NAALADL2: variants seen among roughly 807,000 people sequenced by gnomAD.
NAALADL2 encodes the protein inactive N-acetylated-alpha-linked acidic dipeptidase-like protein 2.
NAALADL2 carries 76 observed loss-of-function variants against 87.2 expected under a neutral mutation model. That is an observed-to-expected ratio of 0.87 (90% CI 0.72 to 1.05). The LOEUF (loss-of-function observed/expected upper bound fraction) is 1.05. NAALADL2 is among the 50% of genes least tolerant of loss of function. NAALADL2 has a pLI of 0.00. For missense variants in NAALADL2, 1,089 were observed against 945.8 expected (o/e 1.15, Z -1.99); for synonymous variants, 354 against 331.0 (o/e 1.07, Z -0.75).
chr3:174,657,288 C>T (rs900852568), intron 2 of NAALADL2, among the ~76,000 whole-genome samples: 10 of 151,882 alleles, frequency 6.6e-5, no homozygotes, highest in African/African-American at 1.9e-4. Flanking sequence ...GGTAGGATTA[C>T]AGGAACCTGA....
At chr3:175,774,759 T>G (rs531235796) in intron 13 of NAALADL2, among the ~76,000 whole-genome samples, 1 of 152,134 alleles carries the variant, frequency 6.6e-6, no homozygotes, top group East Asian at 1.9e-4. Flanking sequence ...GTATAAAGTG[T>G]GCATTTGATT....
At chr3:175,560,408 T>G (rs1716080355) in intron 9 of NAALADL2, among the ~76,000 whole-genome samples, 1 of 152,150 alleles carries the variant, frequency 6.6e-6, no homozygotes, top group Non-Finnish European at 1.5e-5. Flanking sequence ...GATCTTTTTG[T>G]CTTGTTTTCA....
intron 1 of NAALADL2, among the ~76,000 whole-genome samples, chr3:174,936,078 G>C (rs1737647241): frequency 6.6e-6 from 1 of 152,172 alleles, no homozygotes; most frequent in Middle Eastern, 3.4e-3. Flanking sequence ...ACAGTGCTCT[G>C]ATGGTTGAAA....
intron 4 of NAALADL2, among the ~76,000 whole-genome samples, chr3:175,320,140 CTT>C (rs1759661914): frequency 6.6e-6 from 1 of 152,060 alleles, no homozygotes; most frequent in Non-Finnish European, 1.5e-5. Flanking sequence ...TTTCCTCTCT[CTT>C]GAAAAACTAA....
intron 2 of NAALADL2, among the ~76,000 whole-genome samples, chr3:175,221,198 TAA>T (rs368539591): frequency 5.9e-5 from 8 of 135,836 alleles, no homozygotes; most frequent in Admixed American, 1.5e-4. Context: ...GACTCCGTTT[TAA>T]AAAAAAAAAA....
chr3:174,604,321 CTTCT>C (rs1181914053), intron 2 of NAALADL2, among the ~76,000 whole-genome samples: 5 of 151,908 alleles, frequency 3.3e-5, no homozygotes, highest in African/African-American at 2.4e-5. Flanking sequence ...ATATAGTGAC[CTTCT>C]TTGTCTCTTT....
chr3:174,581,767 G>A (rs1013786683), intron 2 of NAALADL2, among the ~76,000 whole-genome samples: 1 of 152,106 alleles, frequency 6.6e-6, no homozygotes. Context: ...CCAGTGAGTC[G>A]TGCGAGGACT....
chr3:175,740,241 A>G (rs1047897778), intron 12 of NAALADL2, among the ~76,000 whole-genome samples: 6 of 152,252 alleles, frequency 3.9e-5, no homozygotes, highest in African/African-American at 1.4e-4. Flanking sequence ...AGGAGAACAG[A>G]GAATTGACTA....
chr3:174,977,579 T>G (rs1408025976), intron 1 of NAALADL2, among the ~76,000 whole-genome samples: 4 of 152,224 alleles, frequency 2.6e-5, no homozygotes, highest in Non-Finnish European at 5.9e-5. Context: ...TTTAAGGCTA[T>G]TAGGTCTTCT....
intron 2 of NAALADL2, among the ~76,000 whole-genome samples, chr3:174,686,911 C>T (rs1019948077): frequency 9.2e-5 from 14 of 152,118 alleles, no homozygotes; most frequent in African/African-American, 2.9e-4. Context: ...ATGATGAAGA[C>T]AACAAAAGCA....
chr3:174,702,318 T>A (rs2108885909), intron 2 of NAALADL2, among the ~76,000 whole-genome samples: 1 of 152,326 alleles, frequency 6.6e-6, no homozygotes, highest in African/African-American at 2.4e-5. Flanking sequence ...ATCTTTTTTA[T>A]TTTTACTTTT....
chr3:174,787,597 A>ATACATATATATATATATATATATATATG (rs1716885210), intron 3 of NAALADL2, among the ~76,000 whole-genome samples: 1 of 75,720 alleles, frequency 1.3e-5, no homozygotes, highest in Admixed American at 1.3e-4. Context: ...ATATATATAT[A>ATACATATATATATATATATATATATATG]TATATATATA....
chr3:175,740,738 G>T (rs6776133), intron 12 of NAALADL2, among the ~76,000 whole-genome samples: 6,202 of 152,192 alleles, frequency 0.041, 237 homozygotes, highest in African/African-American at 0.097. Flanking sequence ...TACCTAGGGC[G>T]GACATGTTCC....
At chr3:175,086,046 T>C (rs960126489) in intron 1 of NAALADL2, among the ~76,000 whole-genome samples, 1 of 152,204 alleles carries the variant, frequency 6.6e-6, no homozygotes, top group African/African-American at 2.4e-5. Context: ...AAAGAGTCTT[T>C]CGTTTTTCAT....
chr3:175,319,153 T>C (rs1177833414), intron 4 of NAALADL2, among the ~76,000 whole-genome samples: 1 of 152,258 alleles, frequency 6.6e-6, no homozygotes, highest in Non-Finnish European at 1.5e-5. Context: ...CATTCTTTGC[T>C]CTTTTTCCTT....
intron 4 of NAALADL2, among the ~76,000 whole-genome samples, chr3:175,303,365 A>G (rs1194340950): frequency 6.6e-6 from 1 of 152,170 alleles, no homozygotes; most frequent in Non-Finnish European, 1.5e-5. Flanking sequence ...ATTAAGTTGT[A>G]TAAAAATCAT....
At chr3:175,069,739 A>G (rs1320905671) in intron 1 of NAALADL2, among the ~76,000 whole-genome samples, 2 of 152,070 alleles carry the variant, frequency 1.3e-5, no homozygotes, top group African/African-American at 4.8e-5. Flanking sequence ...ACTATTCACA[A>G]TAGCAAAGAC....
At chr3:174,988,162 C>G (rs1746231696) in intron 1 of NAALADL2, among the ~76,000 whole-genome samples, 1 of 152,042 alleles carries the variant, frequency 6.6e-6, no homozygotes, top group Non-Finnish European at 1.5e-5. Flanking sequence ...GCTCATGAAT[C>G]AAAGAACTCT....
intron 1 of NAALADL2, among the ~76,000 whole-genome samples, chr3:174,442,880 T>C (rs1714773446): frequency 6.6e-6 from 1 of 152,084 alleles, no homozygotes; most frequent in Admixed American, 6.6e-5. Flanking sequence ...CTTGAAGCAG[T>C]TGAGGGAGTA....
Sources: allele counts gnomAD v4.1 joint callset (sites outside exome capture counted in the v4.1 genomes callset), GRCh38; gene constraint gnomAD v4.1.1; transcripts MANE v1.5; gene names NCBI Gene and HGNC (gene_info 2026-07-23, HGNC 2026-07-21).